The following WLS variants were observed in gnomAD, a reference collection of about 807,000 sequenced individuals.
WLS encodes the protein protein wntless homolog.
A neutral mutation model predicts 62.8 loss-of-function variants in WLS; 23 were observed. The ratio of observed to expected loss-of-function variants is 0.37; its 90% CI spans 0.26 to 0.52. The LOEUF is 0.52. Among genes scored for constraint, WLS ranks in the 20% least tolerant of loss-of-function variants. The pLI, the probability that WLS is intolerant of heterozygous loss-of-function variation, is 0.92. For missense variants in WLS, 615 were observed against 697.3 expected, an observed-to-expected ratio of 0.88 and a Z score of 1.33; for synonymous variants, 246 against 244.1, an observed-to-expected ratio of 1.01 and a Z score of -0.07.
chr1:68,191,493 T>C (rs1648300150), intron 2 of WLS, among the ~76,000 whole-genome samples: 1 of 152,196 alleles, frequency 6.6e-6, no homozygotes, highest in African/African-American at 2.4e-5. Context: ...ACATTGTGTA[T>C]TCTTATTATA....
At chr1:68,102,666 C>T (rs2100293627) in intron 11 of WLS, 1 of 152,332 alleles carries the variant, frequency 6.6e-6, no homozygotes, top group Admixed American at 6.5e-5. Flanking sequence ...ATCAGAGAAG[C>T]TCTACTACCC....
chr1:68,165,460 C>A (rs1486073720), intron 2 of WLS, among the ~76,000 whole-genome samples: 1 of 152,166 alleles, frequency 6.6e-6, no homozygotes, highest in African/African-American at 2.4e-5. Context: ...CTAGACAGCT[C>A]TGAACTCTTA....
intron 10 of WLS, 56 bp from the exon 11 acceptor site, chr1:68,137,989 T>C (rs772057198): frequency 1.9e-6 from 3 of 1,600,736 alleles, no homozygotes; most frequent in Non-Finnish European, 1.7e-6. Flanking sequence ...AGAAGAAACA[T>C]AACACCAATA....
intron 2 of WLS, chr1:68,162,517 C>T (rs796638505): frequency 6.2e-7 from 1 of 1,613,076 alleles, no homozygotes; most frequent in African/African-American, 1.3e-5. Flanking sequence ...AACCGCCTAC[C>T]CCCTGCGATC....
chr1:68,182,350 A>G (rs1337867062), intron 2 of WLS, among the ~76,000 whole-genome samples: 1 of 152,226 alleles, frequency 6.6e-6, no homozygotes, highest in Non-Finnish European at 1.5e-5. Context: ...AAAGGTTCCC[A>G]TGCTCCTGCC....
chr1:68,176,561 A>G (rs1398296614), intron 2 of WLS, among the ~76,000 whole-genome samples: 3 of 152,224 alleles, frequency 2.0e-5, no homozygotes, highest in African/African-American at 7.2e-5. Flanking sequence ...CTTAAGAAAC[A>G]AACTCCAAAT....
At chr1:68,142,976 A>G (rs1343793905) in intron 10 of WLS, 2 of 152,224 alleles carry the variant, frequency 1.3e-5, no homozygotes, top group Admixed American at 6.5e-5. Flanking sequence ...GATTTTCTCA[A>G]TAGAAATCAT....
At chr1:68,105,818 A>T (rs1227330124) in intron 11 of WLS, among the ~76,000 whole-genome samples, 1 of 152,174 alleles carries the variant, frequency 6.6e-6, no homozygotes, top group Non-Finnish European at 1.5e-5. Flanking sequence ...CAGGGAAAAC[A>T]TGTCAGTACC....
At chr1:68,198,666 A>G (rs899139685) in intron 1 of WLS, among the ~76,000 whole-genome samples, 17 of 152,132 alleles carry the variant, frequency 1.1e-4, no homozygotes, top group Non-Finnish European at 1.9e-4. Flanking sequence ...CACCAACCAT[A>G]TGGAACGTAC....
chr1:68,153,933 AAAG>A (rs1390595206), intron 4 of WLS, among the ~76,000 whole-genome samples: 1 of 152,186 alleles, frequency 6.6e-6, no homozygotes, highest in Non-Finnish European at 1.5e-5. Flanking sequence ...CTGGGGTCTG[AAAG>A]AAGAACATGG....
chr1:68,193,995 G>T lies in WLS; in HGVS notation c.339C>A (p.Ile113=), dbSNP rs1421694250. 1.2e-6 allele frequency: 2 copies of T among 1,614,096 alleles called. No individual in the cohort carries two copies. Among genetic ancestry groups the T allele is most frequent in the Non-Finnish European group, 1.7e-6 (2 of 1,180,048 alleles). The change falls in exon 2 of 12, where the codon ATC becomes ATA. Residue 113 remains isoleucine, a synonymous_variant. Transcript: ENST00000262348. ...GCTTGAAGGCAATGTCCAGCTGCAG[G>T]ATAAACAGCATGAATTGGAACCAAG... The part of the protein sequence containing the change: ...MSPWFQFMLF[I]LQLDIAFKLN...
chr1:68,102,993 T>G (rs557293341), intron 11 of WLS, among the ~76,000 whole-genome samples: 1 of 152,286 alleles, frequency 6.6e-6, no homozygotes, highest in East Asian at 1.9e-4. Context: ...ACCCTTTTTT[T>G]TGCCGGGGGC....
intron 2 of WLS, among the ~76,000 whole-genome samples, chr1:68,168,439 A>G (rs1459526037): frequency 1.3e-5 from 2 of 152,170 alleles, no homozygotes; most frequent in African/African-American, 4.8e-5. Context: ...CAGTATGGAA[A>G]CAGTGGGAAC....
At chr1:68,140,280 G>A (rs992851082) in intron 10 of WLS, among the ~76,000 whole-genome samples, 18 of 152,186 alleles carry the variant, frequency 1.2e-4, no homozygotes, top group African/African-American at 7.2e-5. Flanking sequence ...CAACACAAGG[G>A]TAGGAATGCT....
chr1:68,117,888 C>CA (rs1266176789), intron 11 of WLS, among the ~76,000 whole-genome samples: 1 of 151,448 alleles, frequency 6.6e-6, no homozygotes, highest in Non-Finnish European at 1.5e-5. Flanking sequence ...AATTATGATC[C>CA]AAAAAATCAT....
intron 11 of WLS, among the ~76,000 whole-genome samples, chr1:68,108,675 C>T (rs955096623): frequency 4.6e-5 from 7 of 152,068 alleles, no homozygotes; most frequent in African/African-American, 1.7e-4. Context: ...ATTTTTAATT[C>T]TACTTAGTTT....
intron 1 of WLS, among the ~76,000 whole-genome samples, chr1:68,203,675 G>C (rs934750212): frequency 2.0e-5 from 3 of 152,230 alleles, no homozygotes; most frequent in Non-Finnish European, 2.9e-5. Flanking sequence ...GCCTAGAGAA[G>C]ATCTGACTCA....
At chr1:68,218,110 A>G in intron 1 of WLS, among the ~76,000 whole-genome samples, 1 of 152,226 alleles carries the variant, frequency 6.6e-6, no homozygotes, top group Non-Finnish European at 1.5e-5. Context: ...GAAGCAGCAT[A>G]CACAATAAAC....
intron 10 of WLS, chr1:68,138,146 T>C: frequency 1.7e-6 from 1 of 594,616 alleles, no homozygotes; most frequent in Admixed American, 3.1e-5. Flanking sequence ...GCACAGTCAG[T>C]GGTCCTTACC....
Sources: allele counts gnomAD v4.1 joint callset (sites outside exome capture counted in the v4.1 genomes callset), GRCh38; gene constraint gnomAD v4.1.1; transcripts MANE v1.5; gene names NCBI Gene and HGNC (gene_info 2026-07-23, HGNC 2026-07-21).